Variants in TADA3 observed in about 807,000 individuals in gnomAD.
TADA3 encodes transcriptional adapter 3.
TADA3 carries 25 observed loss-of-function variants against 43.2 expected under a neutral mutation model. The observed-to-expected ratio is 0.58, with a 90% CI of 0.42 to 0.81. The LOEUF is 0.81. TADA3 is among the 30% of genes least tolerant of loss of function. The pLI is 0.00. For missense variants in TADA3, 441 were observed against 567.8 expected, an observed-to-expected ratio of 0.78 and a Z score of 2.27; for synonymous variants, 235 against 225.5, an observed-to-expected ratio of 1.04 and a Z score of -0.38.
At position 9,789,534 on chromosome 3, in the gene TADA3, G is replaced by T. The variant is rs941668510; in HGVS notation, c.539C>A (p.Pro180Gln). ...CTTGTAATGCTCAGCCTCATCTTCT[G>T]GGGGCTTCAGTAACTCCTCAAGTGT... ...VRTLEELLKP[P>Q]EDEAEHYKIP... Residue 180 changes from proline to glutamine, a missense_variant, in exon 4 of 9, where the codon CCA becomes CAA. Coordinates refer to ENST00000301964, the MANE Select transcript of TADA3 (RefSeq NM_006354.5). The T allele has an allele frequency of 1.2e-6, 2 of 1,613,930 alleles. No individual in the cohort carries two copies. Among genetic ancestry groups the T allele is most frequent in the Non-Finnish European group, 1.7e-6 (2 of 1,179,976 alleles).
intron 8 of TADA3, chr3:9,783,777 C>CA (rs1290253499): frequency 5.2e-3 from 2,879 of 550,606 alleles, no homozygotes; most frequent in Middle Eastern, 7.2e-3. Context: ...GACTCCCTCT[C>CA]AAAAAAAAAC....
chr3:9,782,122 G>A (rs2078483366), intron 8 of TADA3, among the ~76,000 whole-genome samples: 1 of 152,162 alleles, frequency 6.6e-6, no homozygotes, highest in Non-Finnish European at 1.5e-5. Context: ...ACAGGCATGA[G>A]CCACCAGGCC....
At chr3:9,791,551 T>TG (rs1389986325) in intron 1 of TADA3, 58 bp from the exon 2 acceptor site, 3 of 1,065,984 alleles carry the variant, frequency 2.8e-6, no homozygotes, top group Non-Finnish European at 4.0e-6. Flanking sequence ...GCCCAAGGGC[T>TG]TCTTACCTCC....
chr3:9,782,613 T>C (rs1459022663), intron 8 of TADA3, among the ~76,000 whole-genome samples: 3 of 152,114 alleles, frequency 2.0e-5, no homozygotes, highest in African/African-American at 7.2e-5. Context: ...CAGCACAATA[T>C]CTAAGAGACA....
intron 2 of TADA3, 135 bp from the exon 3 acceptor site, chr3:9,790,098 C>G (rs2078698839): frequency 2.6e-6 from 3 of 1,138,354 alleles, no homozygotes; most frequent in Non-Finnish European, 3.6e-6. Flanking sequence ...ACCTAGTAAA[C>G]TCTTACTCAT....
At chr3:9,785,548 C>T (rs1412103649) in intron 6 of TADA3, 123 bp from the exon 7 acceptor site, 8 of 664,400 alleles carry the variant, frequency 1.2e-5, no homozygotes, top group East Asian at 2.8e-5. Flanking sequence ...TCCCACCTAC[C>T]GTGGGAAGCC....
chr3:9,782,193 T>C (rs1423665017), intron 8 of TADA3, among the ~76,000 whole-genome samples: 1 of 152,172 alleles, frequency 6.6e-6, no homozygotes, highest in Non-Finnish European at 1.5e-5. Context: ...TTCCTCTCTC[T>C]CCCTCTGCTT....
intron 1 of TADA3, 79 bp downstream of exon 1, chr3:9,792,137 A>G (rs2078751953): frequency 6.6e-6 from 1 of 152,344 alleles, no homozygotes; most frequent in South Asian, 2.1e-4. Context: ...CCATCTGTAA[A>G]ATGGGGACAA....
rs957507460 is a variant in TADA3 at position 9,787,454 on chromosome 3, G to C, written c.565-114C>G. The C allele has an allele frequency of 4.2e-6, 6 of 1,411,918 alleles. No homozygotes were observed. The African/African-American group carries it at 5.8e-5, about 14-fold the overall frequency. The allele number at this position is 1,411,918 out of a possible 1,614,324, so 87.5% of individuals were successfully genotyped here. On this transcript the variant is annotated intron_variant, in intron 4 of 8. Coordinates refer to ENST00000301964, the MANE Select transcript of TADA3 (RefSeq NM_006354.5). ...TCTCAAGTCCCTAGTCCAAGGCCAA[G>C]CCCAGTGTCAGGTGTAGGTAAGAAA...
rs979076334 is a variant in TADA3 at position 9,780,698 on chromosome 3, A to G, written c.1107-149T>C. The G allele has an allele frequency of 7.1e-6, 5 of 699,586 alleles. No individual in the cohort carries two copies. In the African/African-American group the frequency reaches 9.0e-5, roughly 13 times the overall value. The allele number at this position is 699,586 out of a possible 1,614,324, so 43.3% of individuals were successfully genotyped here. A position where few individuals can be genotyped will look rare whatever the true frequency, so the allele number is the denominator to read the frequency against. ...GTGACCAAAAAGCAGTTACTGACCTACACTTACATGGCACTATCTTAAGCT... is the reference window on the plus strand; with the variant it reads ...GTGACCAAAAAGCAGTTACTGACCTGCACTTACATGGCACTATCTTAAGCT... On this transcript the variant is annotated intron_variant, in intron 8 of 8. Transcript: ENST00000301964.
intron 7 of TADA3, 64 bp downstream of exon 7, chr3:9,785,252 G>T: frequency 7.5e-7 from 1 of 1,330,232 alleles, no homozygotes. Context: ...TCCCCAGGTT[G>T]AGATGGAGAG....
rs755819850 is a variant in TADA3, at chr3:9,784,226, G to A, written c.921-13C>T. 16 of 1,596,572 alleles carry A rather than the reference G, an allele frequency of 1.0e-5. No individual in the cohort carries two copies. In the Admixed American group the frequency reaches 2.4e-4, roughly 23 times the overall value. ...AGTATGCGGCACACTGCAGCGGGAG[G>A]CAGGCCCGTCAGACTCAAGAGCCAG... is the stretch of plus-strand genomic sequence containing the variant. On this transcript the variant is annotated splice_polypyrimidine_tract_variant and intron_variant, in intron 7 of 8. Coordinates refer to ENST00000301964, the MANE Select transcript of TADA3 (RefSeq NM_006354.5).
intron 4 of TADA3, among the ~76,000 whole-genome samples, chr3:9,788,543 CTTTT>C (rs879587825): frequency 7.5e-6 from 1 of 133,870 alleles, no homozygotes; most frequent in Non-Finnish European, 1.6e-5. Context: ...CCGCACCCGG[CTTTT>C]TTTTTTTTAA....
chr3:9,784,207 C>A lies in TADA3; in HGVS notation c.927G>T (p.Pro309=). 1 of 1,608,770 alleles carries A rather than the reference C, an allele frequency of 6.2e-7. No homozygotes were observed. The highest frequency in any genetic ancestry group is 1.7e-5 in the Admixed American group (1 of 59,906). ...TGCGGCTCTCCAGGGACTTAGTATG[C>A]GGCACACTGCAGCGGGAGGCAGGCC... The part of the protein sequence containing the change: ...PRNQNKPFSV[P]HTKSLESRIK... Residue 309 remains proline (P), a synonymous_variant, in exon 8 of 9, where the codon CCG becomes CCT. Coordinates refer to ENST00000301964, the MANE Select transcript of TADA3 (RefSeq NM_006354.5).
chr3:9,791,223 T>C, intron 2 of TADA3, 37 bp downstream of exon 2: 1 of 1,585,374 alleles, frequency 6.3e-7, no homozygotes, highest in Non-Finnish European at 8.6e-7. Context: ...CTTGTTGCAG[T>C]CCATCTCTGG....
chr3:9,784,452 A>G (rs905232755), intron 7 of TADA3, among the ~76,000 whole-genome samples: 1 of 152,180 alleles, frequency 6.6e-6, no homozygotes, highest in Non-Finnish European at 1.5e-5. Context: ...CAACCCAGAG[A>G]GAATTACTAT....
At chr3:9,785,659 T>C (rs1000987391) in intron 6 of TADA3, among the ~76,000 whole-genome samples, 1 of 152,204 alleles carries the variant, frequency 6.6e-6, no homozygotes, top group African/African-American at 2.4e-5. Flanking sequence ...TGATTAACAC[T>C]CAATGATGGT....
rs750333465 is a variant in TADA3, at chr3:9,789,757, G to C, written c.414C>G (p.Asp138Glu). ...TGGGGATCCGTGGCACGTCGATAGG[G>C]TCATCAGTGAATTCATATTCCTGGA... ...PKIQEYEFTD[D>E]PIDVPRIPKN... The change falls in exon 3 of 9, where the codon GAC becomes GAG. Residue 138 changes from aspartate to glutamate, a missense_variant. Asp to Glu is a conservative substitution (Grantham distance 45). Transcript: ENST00000301964. 1.9e-6 allele frequency: 3 copies of C among 1,614,090 alleles called. No homozygotes were observed. The highest frequency in any genetic ancestry group is 2.5e-6 in the Non-Finnish European group (3 of 1,180,048).
rs527262040 is a variant in TADA3 at position 9,787,617 on chromosome 3, G to C, written c.565-277C>G. ...CAGAATACGTACACAGATTGTCTCA[G>C]GTCACAGCAATTGCCTCTCGAGAGA... On this transcript the variant is annotated intron_variant, in intron 4 of 8. Coordinates refer to ENST00000301964, the MANE Select transcript of TADA3 (RefSeq NM_006354.5). 188 of 1,221,430 alleles carry C rather than the reference G, an allele frequency of 1.5e-4. 2 individuals are homozygous for C. The South Asian group carries it at 2.4e-3, about 15-fold the overall frequency. 75.7% of individuals were successfully genotyped at this position (1,221,430 alleles called of 1,614,324 possible).
Sources: allele counts gnomAD v4.1 joint callset (sites outside exome capture counted in the v4.1 genomes callset), GRCh38; gene constraint gnomAD v4.1.1; transcripts MANE v1.5; gene names NCBI Gene and HGNC (gene_info 2026-07-23, HGNC 2026-07-21).